The following PAF1 variants were observed in gnomAD, a reference collection of about 807,000 sequenced individuals.
The protein encoded by PAF1 is RNA polymerase II-associated factor 1 homolog.
In PAF1, 31 loss-of-function variants were observed where a neutral mutation model predicts 68.4. The ratio of observed to expected loss-of-function variants is 0.45; its 90% CI spans 0.34 to 0.61. The LOEUF is 0.61. PAF1 is among the 20% of genes least tolerant of loss of function. The pLI is 0.01. For missense variants in PAF1, 435 were observed against 692.9 expected, an observed-to-expected ratio of 0.63 and a Z score of 4.18; for synonymous variants, 256 against 240.5, an observed-to-expected ratio of 1.06 and a Z score of -0.60.
In PAF1 at chr19:39,389,955, A is replaced by T; in HGVS notation, c.170+114T>A. On this transcript the variant is annotated intron_variant, in intron 3 of 13. Coordinates refer to ENST00000221265, the MANE Select transcript of PAF1 (RefSeq NM_019088.4). The surrounding 1 kb of genome is among the most constrained non-coding windows in gnomAD (Gnocchi z 5.3). ...CATTAACAATTGAGCAGCTACTACTATGTGCTAGGGTAGGTACTGTGCTAG... is the reference window on the plus strand; with the variant it reads ...CATTAACAATTGAGCAGCTACTACTTTGTGCTAGGGTAGGTACTGTGCTAG... 5 of 1,051,150 alleles carry T rather than the reference A, an allele frequency of 4.8e-6. No homozygotes were observed. Among genetic ancestry groups the T allele is most frequent in the Non-Finnish European group, 7.3e-6 (5 of 682,746 alleles). The allele number at this position is 1,051,150 out of a possible 1,614,324, so 65.1% of individuals were successfully genotyped here.
Position 39,390,854 on chromosome 19 carries a change from G to C in PAF1, c.11C>G (p.Thr4Ser), listed in dbSNP as rs1180592204. Reference protein sequence around the residue: MAPTIQTQAQREDG... With the variant: MAPSIQTQAQREDG... ...CTCCCGCTGGGCCTGGGTCTGGATG[G>C]TGGGCGCCATAGCGACGAGGCGACG... Residue 4 changes from threonine (T) to serine (S), a missense_variant, in exon 1 of 14, where the codon ACC (threonine) becomes AGC (serine). By Grantham distance (58) the Thr-to-Ser change is moderately conservative. Transcript: ENST00000221265. 6.3e-7 allele frequency: 1 copy of C among 1,585,880 alleles called. No individual in the cohort carries two copies. Among genetic ancestry groups the C allele is most frequent in the East Asian group, 2.3e-5 (1 of 43,558 alleles).
Position 39,391,102 on chromosome 19 carries a change from A to ACG in PAF1, c.-240_-239dup. The ACG allele has an allele frequency of 1.6e-6, 1 of 633,152 alleles. No individual in the cohort carries two copies. The highest frequency in any genetic ancestry group is 2.7e-6 in the Non-Finnish European group (1 of 368,480). The allele number at this position is 633,152 out of a possible 1,614,324, so 39.2% of individuals were successfully genotyped here. On this transcript the variant is annotated 5_prime_UTR_variant, in exon 1 of 14. Transcript: ENST00000221265. ...TCCGGTTCCACCAACTGCCGCCAAG[A>ACG]CGCTGAGGACCCAACGGGTCTCCTC...
intron 9 of PAF1, 41 bp downstream of exon 9, chr19:39,388,721 G>A: frequency 6.2e-7 from 1 of 1,607,104 alleles, no homozygotes; most frequent in East Asian, 2.2e-5. Flanking sequence ...AGGACAAGAG[G>A]CAGCAAGGAG....
At chr19:39,390,735 A>G in intron 1 of PAF1, 83 bp downstream of exon 1, 2 of 1,415,110 alleles carry the variant, frequency 1.4e-6, no homozygotes, top group Non-Finnish European at 2.0e-6. Flanking sequence ...CGTCACGGGC[A>G]GACCTGGGGG....
Position 39,389,579 on chromosome 19 carries a change from G to A in PAF1, c.293-33C>T, listed in dbSNP as rs747894341. On this transcript the variant is annotated intron_variant, in intron 4 of 13. Transcript: ENST00000221265. The surrounding 1 kb of genome is among the most constrained non-coding windows in gnomAD (Gnocchi z 5.3). ...AGAGCGGGGGGCAGGAGGACCATGA[G>A]GGAGGCCCAGGCCTGAGCCTTTGCT... is the stretch of plus-strand genomic sequence containing the variant. 1 of 1,614,114 alleles carries A rather than the reference G, an allele frequency of 6.2e-7. No homozygotes were observed. The highest frequency in any genetic ancestry group is 8.5e-7 in the Non-Finnish European group (1 of 1,179,942).
rs200117509 is a variant in PAF1 at position 39,386,345 on chromosome 19, C to G, written c.1242G>C (p.Ser414=). ...SEKEGSEDEH[S]GSESEREEGD... ...CTTCCTCCCGTTCACTCTCGCTGCC[C>G]GAGTGCTCATCTTCACTGCCCTCCT... Residue 414 remains serine, a synonymous_variant, in exon 14 of 14, where the codon TCG becomes TCC. Coordinates refer to ENST00000221265, the MANE Select transcript of PAF1 (RefSeq NM_019088.4). This position sits in a 1 kb window ranked among gnomAD's most constrained non-coding sequence, Gnocchi z 6.1. The G allele has an allele frequency of 6.2e-7, 1 of 1,614,162 alleles. No homozygotes were observed. The highest frequency in any genetic ancestry group is 1.1e-5 in the South Asian group (1 of 91,080).
chr19:39,390,303 A>G lies in PAF1; in HGVS notation c.48-14T>C, dbSNP rs754541379. On this transcript the variant is annotated splice_polypyrimidine_tract_variant and intron_variant, in intron 1 of 13. Transcript: ENST00000221265. Reference sequence around the variant, plus strand: ...TGGGAATTGGGCCTAGTGGAGAAGAAAGAAACAGTGATAGGTGGAGAGGAC... The same window carrying G: ...TGGGAATTGGGCCTAGTGGAGAAGAGAGAAACAGTGATAGGTGGAGAGGAC... 3 of 1,608,430 alleles carry G rather than the reference A, an allele frequency of 1.9e-6. No homozygotes were observed. The highest frequency in any genetic ancestry group is 2.5e-6 in the Non-Finnish European group (3 of 1,177,226).
Position 39,388,392 on chromosome 19 carries a change from G to A in PAF1, c.933C>T (p.Tyr311=). 1 of 1,613,932 alleles carries A rather than the reference G, an allele frequency of 6.2e-7. No homozygotes were observed. ...NKASKGYEEN[Y]FFIFREGDGV... ...CGTCACCCTCTCGGAAGATGAAGAA[G>A]TAGTTTTCCTCATAGCCCTTGCTAG... The change falls in exon 11 of 14, where the codon TAC becomes TAT. Residue 311 remains tyrosine, a synonymous_variant. Coordinates refer to ENST00000221265, the MANE Select transcript of PAF1 (RefSeq NM_019088.4).
rs1316895684 is a variant in PAF1 at position 39,388,448 on chromosome 19, G to A, written c.877C>T (p.Arg293Trp). Residue 293 changes from arginine (R) to tryptophan (W), a missense_variant, in exon 11 of 14, where the codon CGG becomes TGG. Physicochemically the swap from Arg to Trp is moderately radical, Grantham distance 101. Transcript: ENST00000221265. The stretch of plus-strand genomic sequence containing the variant: ...TTCTTCACGTTCCAGTTGTACTCCC[G>A]AGCAATTTTGTAGTCATACCTGAAG... ...PDDVYDYKIA[R>W]EYNWNVKNKA... 1 of 1,614,012 alleles carries A rather than the reference G, an allele frequency of 6.2e-7. No homozygotes were observed. The highest frequency in any genetic ancestry group is 1.7e-5 in the Admixed American group (1 of 59,996).
In PAF1 at chr19:39,386,694, C is replaced by G. The variant is rs772902240; in HGVS notation, c.1092G>C (p.Gln364His). 2.5e-6 allele frequency: 4 copies of G among 1,612,322 alleles called. No homozygotes were observed. In the Admixed American group the frequency reaches 5.0e-5, roughly 20 times the overall value. Reference sequence around the variant, plus strand: ...GCCCTGAGCCAGTGGTGCTTGTTACCTGAGCTTCCAGTTCCTTCTCATTCA... The same window carrying G: ...GCCCTGAGCCAGTGGTGCTTGTTACGTGAGCTTCCAGTTCCTTCTCATTCA... ...RDMNEKELEA[Q>H]EARKAQLENH... Residue 364 changes from glutamine (Q) to histidine (H), a missense_variant and splice_region_variant, in exon 12 of 14, where the codon CAG (glutamine) becomes CAC (histidine). Around this residue, in one of 7 missense-constraint regions of PAF1, gnomAD observed 151 missense variants for 306.3 expected, o/e 0.49. Transcript: ENST00000221265. This position sits in a 1 kb window ranked among gnomAD's most constrained non-coding sequence, Gnocchi z 6.1.
rs2078249070 is a variant in PAF1 at position 39,386,366 on chromosome 19, C to T, written c.1221G>A (p.Glu407=). ...TGCCCGAGTGCTCATCTTCACTGCC[C>T]TCCTTCTCACTGCTGCTGCCCTTCT... ...EQEKGSSSEK[E]GSEDEHSGSE... The change falls in exon 14 of 14, where the codon GAG becomes GAA. Residue 407 remains glutamate, a synonymous_variant. Coordinates refer to ENST00000221265, the MANE Select transcript of PAF1 (RefSeq NM_019088.4). This position sits in a 1 kb window ranked among gnomAD's most constrained non-coding sequence, Gnocchi z 6.1. 1 of 1,614,090 alleles carries T rather than the reference C, an allele frequency of 6.2e-7. No individual in the cohort carries two copies. The highest frequency in any genetic ancestry group is 8.5e-7 in the Non-Finnish European group (1 of 1,180,046).
intron 11 of PAF1, chr19:39,387,280 A>G: frequency 2.9e-6 from 1 of 343,518 alleles, no homozygotes; most frequent in Non-Finnish European, 6.0e-6. Flanking sequence ...AACATAGAAA[A>G]GGTATAGTAA....
rs773412321 is a variant in PAF1, at chr19:39,388,507, ATCCCAATCCCCAAAACT to A, written c.857+36_858-41del. The stretch of plus-strand genomic sequence containing the variant: ...ACAGGTTCAGCCCCATTTCTTCCCT[ATCCCAATCCCCAAAACT>A]TCCCAATCCCCAAAACTTAACCGCA... On this transcript the variant is annotated intron_variant, in intron 10 of 13. Coordinates refer to ENST00000221265, the MANE Select transcript of PAF1 (RefSeq NM_019088.4). The A allele has an allele frequency of 3.3e-4, 529 of 1,614,052 alleles. No homozygotes were observed. In the African/African-American group the frequency reaches 4.9e-3, roughly 15 times the overall value.
In PAF1 at chr19:39,389,754, G is replaced by A. The variant is rs1386071193; in HGVS notation, c.178C>T (p.Gln60Ter). ...TYPFDQNRFV[Q>*]YKATSLEKQH... ...TTCTCCAAGGAAGTGGCTTTGTACT[G>A]GACGAACCTGGGTGGGGAAACACCT... Residue 60 changes from glutamine to a stop codon, truncating the protein, a stop_gained, in exon 4 of 14, where the codon CAG becomes TAG. Coordinates refer to ENST00000221265, the MANE Select transcript of PAF1 (RefSeq NM_019088.4). LOFTEE classifies it high-confidence loss of function. This position sits in a 1 kb window ranked among gnomAD's most constrained non-coding sequence, Gnocchi z 5.3. The A allele has an allele frequency of 6.2e-7, 1 of 1,614,094 alleles. No individual in the cohort carries two copies. Among genetic ancestry groups the A allele is most frequent in the Non-Finnish European group, 8.5e-7 (1 of 1,180,008 alleles).
chr19:39,387,325 G>GC, intron 11 of PAF1: 1 of 247,752 alleles, frequency 4.0e-6, no homozygotes, highest in East Asian at 9.9e-5. Flanking sequence ...ACCACCATAA[G>GC]CAGTCCATTG....
At position 39,388,818 on chromosome 19, in the gene PAF1, G is replaced by A. The variant is rs766094482; in HGVS notation, c.684C>T (p.Ala228=). 2 of 1,614,168 alleles carry A rather than the reference G, an allele frequency of 1.2e-6. No individual in the cohort carries two copies. Among genetic ancestry groups the A allele is most frequent in the Admixed American group, 3.3e-5 (2 of 60,026 alleles). Residue 228 remains alanine, a synonymous_variant, in exon 9 of 14, where the codon GCC becomes GCT. Coordinates refer to ENST00000221265, the MANE Select transcript of PAF1 (RefSeq NM_019088.4). ...CAQVIFDSDP[A]PKDTSGAAAL... ...CAGCTGCACCACTCGTGTCCTTGGG[G>A]GCTGGGTCTGAGTCAAAGATCACCT...
At position 39,390,925 on chromosome 19, in the gene PAF1, G is replaced by C; in HGVS notation, c.-61C>G. 2.0e-6 allele frequency: 3 copies of C among 1,510,264 alleles called. No homozygotes were observed. The highest frequency in any genetic ancestry group is 2.7e-6 in the Non-Finnish European group (3 of 1,112,814). The allele number at this position is 1,510,264 out of a possible 1,614,324, so 93.6% of individuals were successfully genotyped here. A position where few individuals can be genotyped will look rare whatever the true frequency, so the allele number is the denominator to read the frequency against. On this transcript the variant is annotated 5_prime_UTR_variant, in exon 1 of 14. Transcript: ENST00000221265. ...GCGGGACCGAAGGGGGACGCAGAGG[G>C]GCGTGCCGACTTCAGGGGACGCCTG... is the stretch of plus-strand genomic sequence containing the variant.
chr19:39,389,868 C>T lies in PAF1; in HGVS notation c.171-107G>A. The T allele has an allele frequency of 1.4e-6, 2 of 1,469,044 alleles. No homozygotes were observed. Among genetic ancestry groups the T allele is most frequent in the Non-Finnish European group, 1.9e-6 (2 of 1,054,076 alleles). The allele number at this position is 1,469,044 out of a possible 1,614,324, so 91.0% of individuals were successfully genotyped here. On this transcript the variant is annotated intron_variant, in intron 3 of 13. Coordinates refer to ENST00000221265, the MANE Select transcript of PAF1 (RefSeq NM_019088.4). This position sits in a 1 kb window ranked among gnomAD's most constrained non-coding sequence, Gnocchi z 5.3. The stretch of plus-strand genomic sequence containing the variant: ...TGGGGAGGAACTCAGAATGAAGTGT[C>T]CCCCATGGCAGAGTCTGAAAGCTGG...
At chr19:39,390,737 A>G (rs964121113) in intron 1 of PAF1, 81 bp downstream of exon 1, 1 of 1,431,062 alleles carries the variant, frequency 7.0e-7, no homozygotes, top group Non-Finnish European at 9.6e-7. Context: ...TCACGGGCAG[A>G]CCTGGGGGCT....
Sources: allele counts gnomAD v4.1 joint callset, GRCh38; gene constraint gnomAD v4.1.1; regional missense constraint gnomAD v4.1.1; non-coding constraint Gnocchi (gnomAD v3.1); transcripts MANE v1.5; gene names NCBI Gene and HGNC (gene_info 2026-07-23, HGNC 2026-07-21).